The following CA10 variants were observed in gnomAD, a reference collection of about 807,000 sequenced individuals.
The protein encoded by CA10 is carbonic anhydrase-related protein 10.
A neutral mutation model predicts 44.2 loss-of-function variants in CA10; 14 were observed. The observed-to-expected ratio is 0.32, with a 90% CI of 0.21 to 0.50. CA10 has a LOEUF of 0.50. Ranked by LOEUF, CA10 falls within the 20% of genes least tolerant of loss-of-function variation. CA10 has a pLI of 0.99. For missense variants in CA10, 350 were observed against 409.7 expected, an observed-to-expected ratio of 0.85 and a Z score of 1.26; for synonymous variants, 159 against 141.6, an observed-to-expected ratio of 1.12 and a Z score of -0.87.
chr17:51,630,878 T>A lies in CA10; in HGVS notation c.*706A>T, dbSNP rs1270640156. 2 of 152,656 alleles carry A rather than the reference T, an allele frequency of 1.3e-5. No individual in the cohort carries two copies. The highest frequency in any genetic ancestry group is 3.8e-4 in the East Asian group (2 of 5,200). 9.5% of individuals were successfully genotyped at this position (152,656 alleles called of 1,614,324 possible). A position where few individuals can be genotyped will look rare whatever the true frequency, so the allele number is the denominator to read the frequency against. On this transcript the variant is annotated 3_prime_UTR_variant, in exon 9 of 9. Transcript: ENST00000451037. Reference sequence around the variant, plus strand: ...ATGGATCATTTCTGATCTTGGCAAATCCTACTACAGATATGTGACAAAGAG... The same window carrying A: ...ATGGATCATTTCTGATCTTGGCAAAACCTACTACAGATATGTGACAAAGAG...
At chr17:51,654,811 C>T (rs1913727907) in intron 4 of CA10, among the ~76,000 whole-genome samples, 1 of 152,124 alleles carries the variant, frequency 6.6e-6, no homozygotes, top group Non-Finnish European at 1.5e-5. Context: ...CCGCCTTGGC[C>T]TCCCAAAGTG....
intron 4 of CA10, among the ~76,000 whole-genome samples, chr17:51,726,948 C>T (rs1184412881): frequency 6.6e-6 from 1 of 152,166 alleles, no homozygotes; most frequent in Non-Finnish European, 1.5e-5. Flanking sequence ...CAGTTAGTGG[C>T]CTGCTGGTTT....
chr17:51,898,594 C>T (rs1981175031), intron 3 of CA10, among the ~76,000 whole-genome samples: 1 of 152,050 alleles, frequency 6.6e-6, no homozygotes, highest in Non-Finnish European at 1.5e-5. Context: ...GTCCCTTCTC[C>T]TCAGCTTTTA....
chr17:52,110,873 T>C (rs1272315693), intron 1 of CA10, among the ~76,000 whole-genome samples: 1 of 152,136 alleles, frequency 6.6e-6, no homozygotes, highest in Non-Finnish European at 1.5e-5. Flanking sequence ...AATAGGGCAG[T>C]TGTGAGCTGA....
chr17:52,141,729 A>T (rs1989484346), intron 1 of CA10, among the ~76,000 whole-genome samples: 1 of 152,146 alleles, frequency 6.6e-6, no homozygotes, highest in African/African-American at 2.4e-5. Flanking sequence ...CTCTGGTCTG[A>T]GTTGTGTTAT....
chr17:52,139,916 T>C (rs1362194643), intron 1 of CA10, among the ~76,000 whole-genome samples: 7 of 152,080 alleles, frequency 4.6e-5, no homozygotes, highest in African/African-American at 1.7e-4. Context: ...GTGTTTGGAG[T>C]GAATTAAGGA....
At chr17:51,818,396 C>T (rs1907647478) in intron 3 of CA10, among the ~76,000 whole-genome samples, 1 of 152,128 alleles carries the variant, frequency 6.6e-6, no homozygotes, top group Non-Finnish European at 1.5e-5. Context: ...CTTGTATTAC[C>T]GCAGCACATC....
chr17:51,939,742 G>A (rs1324620128), intron 2 of CA10, among the ~76,000 whole-genome samples: 1 of 151,860 alleles, frequency 6.6e-6, no homozygotes, highest in African/African-American at 2.4e-5. Context: ...ATTTTTCTCT[G>A]GGTTATTTAT....
chr17:51,940,703 A>C (rs898787768), intron 2 of CA10, among the ~76,000 whole-genome samples: 1 of 150,878 alleles, frequency 6.6e-6, no homozygotes, highest in Non-Finnish European at 1.5e-5. Flanking sequence ...ACACCCTGGC[A>C]AGTGGTGAGG....
chr17:51,724,433 G>A (rs1016289011), intron 4 of CA10, among the ~76,000 whole-genome samples: 1 of 152,138 alleles, frequency 6.6e-6, no homozygotes, highest in Non-Finnish European at 1.5e-5. Context: ...GCCAACAAAA[G>A]TATAAGATGG....
intron 3 of CA10, among the ~76,000 whole-genome samples, chr17:51,849,266 A>ATATATATAT (rs1555605624): frequency 8.8e-5 from 6 of 68,442 alleles, no homozygotes; most frequent in Non-Finnish European, 2.3e-4. Context: ...TATATATATA[A>ATATATATAT]AACTAAGTTT....
At chr17:51,851,117 C>A (rs146299204) in intron 3 of CA10, among the ~76,000 whole-genome samples, 1 of 152,320 alleles carries the variant, frequency 6.6e-6, no homozygotes, top group Non-Finnish European at 1.5e-5. Flanking sequence ...GGGTGGCAGA[C>A]CCAGTTCCAA....
At chr17:52,079,147 G>A (rs987476888) in intron 1 of CA10, among the ~76,000 whole-genome samples, 9 of 152,246 alleles carry the variant, frequency 5.9e-5, no homozygotes, top group East Asian at 1.9e-4. Flanking sequence ...TTAGCCGGGC[G>A]CTGTGGCGGG....
intron 1 of CA10, 64 bp from the exon 2 acceptor site, chr17:52,072,457 C>G (rs370437829): frequency 8.3e-7 from 1 of 1,206,114 alleles, no homozygotes; most frequent in Non-Finnish European, 1.2e-6. Flanking sequence ...CCCGGCTGTC[C>G]GAGTAAGAAG....
chr17:51,659,986 A>G (rs1913939673), intron 4 of CA10, among the ~76,000 whole-genome samples: 1 of 152,214 alleles, frequency 6.6e-6, no homozygotes, highest in South Asian at 2.1e-4. Context: ...CTGAATGAAT[A>G]CCAATTCTGC....
chr17:51,936,835 T>A (rs1313950840), intron 2 of CA10, among the ~76,000 whole-genome samples: 1 of 152,176 alleles, frequency 6.6e-6, no homozygotes. Context: ...AAGAATTGGT[T>A]CCCAAGCAAC....
chr17:51,817,270 T>C (rs1290218217), intron 3 of CA10, among the ~76,000 whole-genome samples: 5 of 152,214 alleles, frequency 3.3e-5, no homozygotes, highest in Non-Finnish European at 7.3e-5. Context: ...AAAGTTTCAC[T>C]GGAATGCAGC....
At chr17:51,930,930 C>A (rs1360802106) in intron 3 of CA10, 60 bp downstream of exon 3, 1 of 1,591,392 alleles carries the variant, frequency 6.3e-7, no homozygotes, top group South Asian at 1.1e-5. Flanking sequence ...TGAGGATTAG[C>A]TTTCAGAATC....
At chr17:51,897,748 G>A (rs1473168516) in intron 3 of CA10, among the ~76,000 whole-genome samples, 2 of 152,076 alleles carry the variant, frequency 1.3e-5, no homozygotes, top group Admixed American at 1.3e-4. Context: ...CTTGAGAAGT[G>A]TTTTGTAATT....
Sources: allele counts gnomAD v4.1 joint callset (sites outside exome capture counted in the v4.1 genomes callset), GRCh38; gene constraint gnomAD v4.1.1; transcripts MANE v1.5; gene names NCBI Gene and HGNC (gene_info 2026-07-23, HGNC 2026-07-21).